The following NOP14 variants were observed in gnomAD, a reference collection of about 807,000 sequenced individuals.
NOP14 encodes the protein NOP14 nucleolar protein.
In NOP14, 57 loss-of-function variants were observed where a neutral mutation model predicts 101.6. The ratio of observed to expected loss-of-function variants is 0.56; its 90% CI spans 0.45 to 0.70. The LOEUF is 0.70. Among genes scored for constraint, NOP14 ranks in the 30% least tolerant of loss-of-function variants. The pLI is 0.00. For missense variants in NOP14, 1,134 were observed against 1,075.5 expected (o/e 1.05, Z -0.76); for synonymous variants, 428 against 424.0 (o/e 1.01, Z -0.12).
chr4:2,951,565 G>A (rs1014851741), intron 6 of NOP14, among the ~76,000 whole-genome samples: 3 of 152,106 alleles, frequency 2.0e-5, no homozygotes, highest in Non-Finnish European at 4.4e-5. Context: ...CCCCTGCACC[G>A]AGAGAATAGG....
intron 13 of NOP14, among the ~76,000 whole-genome samples, chr4:2,942,842 G>A (rs182763395): frequency 7.8e-5 from 9 of 115,410 alleles, no homozygotes; most frequent in African/African-American, 3.7e-4. Flanking sequence ...AGGCCTGTAG[G>A]ACGCAGGAGT....
chr4:2,962,702 C>T (rs1024635740), intron 1 of NOP14, among the ~76,000 whole-genome samples: 1 of 152,012 alleles, frequency 6.6e-6, no homozygotes, highest in Non-Finnish European at 1.5e-5. Flanking sequence ...CAATGAGTTT[C>T]CATAGAGTTA....
chr4:2,957,203 C>T (rs528597337), intron 2 of NOP14, among the ~76,000 whole-genome samples: 3 of 152,108 alleles, frequency 2.0e-5, no homozygotes, highest in East Asian at 1.9e-4. Flanking sequence ...GGTTTCATCA[C>T]GTTGGCCAGG....
intron 1 of NOP14, among the ~76,000 whole-genome samples, chr4:2,961,132 T>C (rs1257412605): frequency 3.7e-5 from 3 of 81,900 alleles, no homozygotes; most frequent in South Asian, 5.9e-4. Flanking sequence ...ATTATAATAA[T>C]ATATTAATAT....
Position 2,945,167 on chromosome 4 carries a change from CA to C in NOP14, c.1697del (p.Val566GlyfsTer24). 6.3e-7 allele frequency: 1 copy of C among 1,593,126 alleles called. No homozygotes were observed. Among genetic ancestry groups the C allele is most frequent in the Non-Finnish European group, 8.5e-7 (1 of 1,169,640 alleles). ...GACTGAGGCACACGAGGGCAGGGGTCACCACTGGGTGCCAGAAGTCGGAAGT... is the reference window on the plus strand; with the variant it reads ...GACTGAGGCACACGAGGGCAGGGGTCCCACTGGGTGCCAGAAGTCGGAAGT... ...FPTSDFWHPV[V>X]TPALVCLSQL... On this transcript the variant is annotated frameshift_variant, in exon 12 of 18. Coordinates refer to ENST00000416614, the MANE Select transcript of NOP14 (RefSeq NM_001291978.2). LOFTEE classifies it high-confidence loss of function.
Position 2,944,301 on chromosome 4 carries a change from T to C in NOP14, c.1738-75A>G, listed in dbSNP as rs112246963. On this transcript the variant is annotated intron_variant, in intron 12 of 17. Transcript: ENST00000416614. Reference sequence around the variant, plus strand: ...TGCTAGGCCGACCACCGGGCTTCCCTGATGAACCACGCACCCCACTGAGCT... The same window carrying C: ...TGCTAGGCCGACCACCGGGCTTCCCCGATGAACCACGCACCCCACTGAGCT... 2,230 of 1,424,550 alleles carry C rather than the reference T, an allele frequency of 1.6e-3. 22 individuals carry two copies. Among genetic ancestry groups the C allele is most frequent in the African/African-American group, 0.012 (866 of 70,322 alleles). The allele number at this position is 1,424,550 out of a possible 1,614,324, so 88.2% of individuals were successfully genotyped here. A position where few individuals can be genotyped will look rare whatever the true frequency, so the allele number is the denominator to read the frequency against.
chr4:2,950,419 T>C, intron 7 of NOP14: 1 of 606,766 alleles, frequency 1.6e-6, no homozygotes, highest in East Asian at 2.8e-5. Context: ...AGCTACAGGC[T>C]GCTAGAGAAC....
intron 5 of NOP14, among the ~76,000 whole-genome samples, chr4:2,953,009 G>T (rs1427200081): frequency 1.3e-5 from 2 of 152,204 alleles, no homozygotes; most frequent in Non-Finnish European, 2.9e-5. Flanking sequence ...TAAAGTAACG[G>T]TAACATCAAG....
intron 17 of NOP14, 63 bp downstream of exon 17, chr4:2,939,125 G>C: frequency 6.2e-7 from 1 of 1,602,422 alleles, no homozygotes; most frequent in East Asian, 2.2e-5. Context: ...GCTCTGCCCA[G>C]GGCCACACAG....
intron 5 of NOP14, among the ~76,000 whole-genome samples, chr4:2,952,718 G>C (rs1297919083): frequency 6.6e-6 from 1 of 152,224 alleles, no homozygotes; most frequent in African/African-American, 2.4e-5. Context: ...AAGGTGGGCA[G>C]ATCACGTGAG....
rs1161082539 is a variant in NOP14, at chr4:2,961,178, A to G, written c.195+1947T>C. On this transcript the variant is annotated intron_variant, in intron 1 of 17. Coordinates refer to ENST00000416614, the MANE Select transcript of NOP14 (RefSeq NM_001291978.2). ...TAATATATTAATATGCTATTACAAT[A>G]ATATATTAATATGCTAATATTATAA... Among the ~76,000 whole-genome samples the G allele has an allele frequency of 4.9e-3, 33 of 6,734 alleles. No homozygotes were observed. The East Asian group carries it at 0.084, about 17-fold the overall frequency. The allele number at this position is 6,734 out of a possible 152,430, so 4.4% of individuals were successfully genotyped here. A position where few individuals can be genotyped will look rare whatever the true frequency, so the allele number is the denominator to read the frequency against.
rs886559294 is a variant in NOP14, at chr4:2,937,983, A to G, written c.*848T>C. The G allele has an allele frequency of 2.1e-4, 45 of 217,850 alleles. 1 individual carries two copies. The highest frequency in any genetic ancestry group is 1.3e-3 in the Admixed American group (24 of 17,914). 13.5% of individuals were successfully genotyped at this position (217,850 alleles called of 1,614,324 possible). ...AATTTGCATAACAACAGTAAATTCT[A>G]CACATGAAGGCAAACGTCCGTGGTT... On this transcript the variant is annotated 3_prime_UTR_variant, in exon 18 of 18. Transcript: ENST00000416614.
Position 2,942,796 on chromosome 4 carries a change from G to C in NOP14, c.1892-445C>G, listed in dbSNP as rs147136056. On this transcript the variant is annotated intron_variant, in intron 13 of 17. Transcript: ENST00000416614. ...GGAGAGTCAGTCGGGGGTGACGGTGGAGGGCGGGAGAGGCCTGAGGGGCAG... is the reference window on the plus strand; with the variant it reads ...GGAGAGTCAGTCGGGGGTGACGGTGCAGGGCGGGAGAGGCCTGAGGGGCAG... 9.8e-4 allele frequency among the ~76,000 whole-genome samples: 149 copies of C among 152,232 alleles called. 1 individual carries two copies. The highest frequency in any genetic ancestry group is 3.6e-3 in the Admixed American group (55 of 15,300).
intron 1 of NOP14, chr4:2,961,206 A>G (rs1180019255): frequency 1.7e-4 from 2 of 11,602 alleles, no homozygotes; most frequent in African/African-American, 8.9e-4. Context: ...TATTATAATA[A>G]TATATTAATA....
In NOP14 at chr4:2,952,331, T is replaced by A. The variant is rs761547134; in HGVS notation, c.814A>T (p.Met272Leu). 9.9e-6 allele frequency: 16 copies of A among 1,613,742 alleles called. No homozygotes were observed. In the African/African-American group the frequency reaches 1.6e-4, roughly 16 times the overall value. ...FEMKAQPSNR[M>L]KTEAELAKEE... ...TTTGCCAATTCTGCCTCCGTCTTCA[T>A]CCTGTTAGAGGGCTGCGCCTTCATT... is the stretch of plus-strand genomic sequence containing the variant. The change falls in exon 6 of 18, where the codon ATG (methionine) becomes TTG (leucine). Residue 272 changes from methionine (M) to leucine (L), a missense_variant. Transcript: ENST00000416614.
intron 9 of NOP14, 121 bp downstream of exon 9, chr4:2,948,143 AGGTAACCATGTGAC>A: frequency 8.8e-7 from 1 of 1,134,932 alleles, no homozygotes; most frequent in Non-Finnish European, 1.2e-6. Context: ...CCATCATCAT[AGGTAACCATGTGAC>A]GGGCTGGCCC....
chr4:2,955,895 A>G (rs1200900083), intron 3 of NOP14, among the ~76,000 whole-genome samples: 1 of 152,206 alleles, frequency 6.6e-6, no homozygotes, highest in African/African-American at 2.4e-5. Context: ...GATTAGCCAA[A>G]TATCAGAAGG....
chr4:2,953,434 C>T, intron 5 of NOP14, 77 bp downstream of exon 5: 1 of 1,542,648 alleles, frequency 6.5e-7, no homozygotes, highest in Non-Finnish European at 8.9e-7. Flanking sequence ...AGCCGTCCAG[C>T]CCCAGCCCTT....
chr4:2,961,592 T>A (rs986574792), intron 1 of NOP14: 3 of 152,300 alleles, frequency 2.0e-5, no homozygotes, highest in Admixed American at 1.3e-4. Flanking sequence ...GACGACCTGC[T>A]GTCCCTCAGA....
Sources: allele counts gnomAD v4.1 joint callset (sites outside exome capture counted in the v4.1 genomes callset), GRCh38; gene constraint gnomAD v4.1.1; transcripts MANE v1.5; gene names NCBI Gene and HGNC (gene_info 2026-07-23, HGNC 2026-07-21).